The following PLEKHG1 variants were observed in gnomAD, a reference collection of about 807,000 sequenced individuals.
PLEKHG1 encodes the protein pleckstrin homology and RhoGEF domain containing G1, also known as pleckstrin homology domain-containing family G member 1.
Under a neutral mutation model 100.8 loss-of-function variants are expected in PLEKHG1, and 44 were observed. The observed-to-expected ratio is 0.44, with a 90% confidence interval of 0.34 to 0.56. PLEKHG1 has a LOEUF of 0.56. Among genes scored for constraint, PLEKHG1 ranks in the 20% least tolerant of loss-of-function variants. The pLI is 0.01. For synonymous variants in PLEKHG1, 640 were observed against 662.5 expected (o/e 0.97, Z 0.52); for missense variants, 1,545 against 1,720.9 (o/e 0.90, Z 1.81).
Position 150,600,011 on chromosome 6 carries a change from T to TC in PLEKHG1, c.-206dup. ...CCGCCCGGGCATGCGAAGCCGTCCCTCCCCGGGTAAGCGCCGGTCGGGCCC... is the reference window on the plus strand; with the variant it reads ...CCGCCCGGGCATGCGAAGCCGTCCCTCCCCCGGGTAAGCGCCGGTCGGGCCC... On this transcript the variant is annotated 5_prime_UTR_variant, in exon 1 of 4. The change creates a premature stop within an existing upstream ORF in the 5' untranslated region. Coordinates refer to the PLEKHG1 transcript ENST00000367326. The surrounding 1 kb of genome is among the most constrained non-coding windows in gnomAD (Gnocchi z 6.2). The TC allele has an allele frequency of 4.2e-6, 1 of 238,890 alleles. No homozygotes were observed. Among genetic ancestry groups the TC allele is most frequent in the Non-Finnish European group, 9.0e-6 (1 of 111,002 alleles). The allele number at this position is 238,890 out of a possible 1,614,324, so 14.8% of individuals were successfully genotyped here.
intron 3 of PLEKHG1, among the ~76,000 whole-genome samples, chr6:150,709,241 A>G (rs1042048207): frequency 1.3e-5 from 2 of 152,180 alleles, no homozygotes; most frequent in Non-Finnish European, 2.9e-5. Context: ...AGGCTGAGGC[A>G]GGAGAATCAC....
intron 3 of PLEKHG1, among the ~76,000 whole-genome samples, chr6:150,776,089 A>G (rs1452384085): frequency 6.6e-6 from 1 of 152,210 alleles, no homozygotes; most frequent in African/African-American, 2.4e-5. Context: ...CCTGCCTCAA[A>G]GTTCGCATCA....
intron 2 of PLEKHG1, among the ~76,000 whole-genome samples, chr6:150,765,588 T>C (rs1784420166): frequency 6.6e-6 from 1 of 151,960 alleles, no homozygotes; most frequent in Non-Finnish European, 1.5e-5. Context: ...AGAAATAAGG[T>C]AAGCTCTGAA....
At chr6:150,674,627 T>TCCTC (rs1554258816) in intron 3 of PLEKHG1, among the ~76,000 whole-genome samples, 3 of 60,048 alleles carry the variant, frequency 5.0e-5, no homozygotes, top group Non-Finnish European at 6.9e-5. Context: ...TTTCTCTCTC[T>TCCTC]CCTCCCTCTC....
At chr6:150,830,658 G>T in exon 15 of PLEKHG1, 1 of 1,614,128 alleles carries the variant, frequency 6.2e-7, no homozygotes, top group Non-Finnish European at 8.5e-7. Flanking sequence ...CAGCCTAGCA[G>T]TTCTACCATG....
At chr6:150,834,363 T>C (rs1049203944) in intron 15 of PLEKHG1, among the ~76,000 whole-genome samples, 1 of 152,174 alleles carries the variant, frequency 6.6e-6, no homozygotes, top group African/African-American at 2.4e-5. Flanking sequence ...TATTGGCAAT[T>C]GCAAGCACTG....
chr6:150,632,686 A>G (rs1777814109), intron 1 of PLEKHG1, among the ~76,000 whole-genome samples: 1 of 152,274 alleles, frequency 6.6e-6, no homozygotes, highest in Non-Finnish European at 1.5e-5. Flanking sequence ...ACAAACATCT[A>G]TTCTTACATG....
chr6:150,785,697 G>A (rs1239506272), intron 3 of PLEKHG1, among the ~76,000 whole-genome samples: 2 of 151,980 alleles, frequency 1.3e-5, no homozygotes, highest in Non-Finnish European at 2.9e-5. Flanking sequence ...TAAGACCAGA[G>A]CCATGGAGTC....
chr6:150,799,580 A>G (rs1786567185), intron 5 of PLEKHG1, among the ~76,000 whole-genome samples: 1 of 152,256 alleles, frequency 6.6e-6, no homozygotes. Flanking sequence ...AAAGGGCTAC[A>G]GAGCAGCCGA....
intron 11 of PLEKHG1, among the ~76,000 whole-genome samples, chr6:150,818,626 C>T (rs971962093): frequency 1.3e-5 from 2 of 152,208 alleles, no homozygotes; most frequent in African/African-American, 4.8e-5. Context: ...TTTCCTGATG[C>T]AGCAGAAACT....
intron 3 of PLEKHG1, among the ~76,000 whole-genome samples, chr6:150,783,159 G>GGAAA (rs1785416039): frequency 8.5e-6 from 1 of 117,704 alleles, no homozygotes; most frequent in African/African-American, 4.0e-5. Context: ...AAGAAATGGG[G>GGAAA]AAAAAAAACT....
intron 3 of PLEKHG1, among the ~76,000 whole-genome samples, chr6:150,780,137 A>AT (rs772671634): frequency 0.076 from 10,263 of 135,458 alleles, 611 homozygotes; most frequent in African/African-American, 0.15. Flanking sequence ...CTTTTCTTTA[A>AT]TTTTTTTTTT....
intron 3 of PLEKHG1, among the ~76,000 whole-genome samples, chr6:150,783,471 G>A (rs1156535118): frequency 6.6e-6 from 1 of 151,768 alleles, no homozygotes; most frequent in East Asian, 1.9e-4. Flanking sequence ...CCAGGCTCAA[G>A]TGATTCTCCT....
rs555213100 is a variant in PLEKHG1 at position 150,801,568 on chromosome 6, C to T, written c.780+699C>T. Among the ~76,000 whole-genome samples the T allele has an allele frequency of 2.6e-5, 4 of 151,254 alleles. No individual in the cohort carries two copies. The South Asian group carries it at 8.4e-4, about 32-fold the overall frequency. On this transcript the variant is annotated intron_variant, in intron 6 of 15. Transcript: ENST00000358517. Reference sequence around the variant, plus strand: ...TCCTCCTACCTCAGCATCCTGAGTACCTGGGGCTCTAGGTGTGCACCACCA... The same window carrying T: ...TCCTCCTACCTCAGCATCCTGAGTATCTGGGGCTCTAGGTGTGCACCACCA...
intron 2 of PLEKHG1, among the ~76,000 whole-genome samples, chr6:150,648,024 G>A (rs275348): frequency 0.077 from 11,625 of 151,582 alleles, 552 homozygotes; most frequent in Non-Finnish European, 0.11. Flanking sequence ...TTCTCATGAG[G>A]GAATCATTGT....
At chr6:150,708,477 G>A (rs1345003984) in intron 3 of PLEKHG1, among the ~76,000 whole-genome samples, 1 of 151,900 alleles carries the variant, frequency 6.6e-6, no homozygotes, top group African/African-American at 2.4e-5. Flanking sequence ...ACTTTTTCTA[G>A]GATCCCCCCT....
intron 1 of PLEKHG1, among the ~76,000 whole-genome samples, chr6:150,612,936 G>A (rs952241655): frequency 1.3e-5 from 2 of 152,186 alleles, no homozygotes; most frequent in African/African-American, 2.4e-5. Context: ...CAGAGCAATC[G>A]TTTCATATGT....
chr6:150,700,586 A>G (rs12206172), intron 3 of PLEKHG1, among the ~76,000 whole-genome samples: 67,588 of 152,090 alleles, frequency 0.44, 15,116 homozygotes, highest in African/African-American at 0.49. Context: ...CCCAAGTCAC[A>G]TATTCGAGAT....
chr6:150,683,515 A>T lies in PLEKHG1; in HGVS notation c.-99+32729A>T. On this transcript the variant is annotated intron_variant, in intron 3 of 3. Coordinates refer to the PLEKHG1 transcript ENST00000367326. The surrounding 1 kb of genome is among the most constrained non-coding windows in gnomAD (Gnocchi z 4.0). ...AAGGAAGCACGTGTGTGTGTGTGGAAGGGTGGCGCTGACCTCCCAGACAGG... is the reference window on the plus strand; with the variant it reads ...AAGGAAGCACGTGTGTGTGTGTGGATGGGTGGCGCTGACCTCCCAGACAGG... 1 of 226,670 alleles carries T rather than the reference A, an allele frequency of 4.4e-6. No homozygotes were observed. The highest frequency in any genetic ancestry group is 8.8e-6 in the Non-Finnish European group (1 of 113,020). 14.0% of individuals were successfully genotyped at this position (226,670 alleles called of 1,614,324 possible).
Sources: allele counts gnomAD v4.1 joint callset (sites outside exome capture counted in the v4.1 genomes callset), GRCh38; gene constraint gnomAD v4.1.1; non-coding constraint Gnocchi (gnomAD v3.1); transcripts MANE v1.5; gene names NCBI Gene and HGNC (gene_info 2026-07-23, HGNC 2026-07-21).